The following BTBD1 variants were observed in gnomAD, a reference collection of about 807,000 sequenced individuals.
BTBD1 encodes the protein BTB domain containing 1.
BTBD1 carries 34 observed loss-of-function variants against 48.0 expected under a neutral mutation model. The ratio of observed to expected loss-of-function variants is 0.71; its 90% CI spans 0.54 to 0.94. BTBD1 has a LOEUF of 0.94. BTBD1 is among the 40% of genes least tolerant of loss of function. The pLI, the probability that BTBD1 is intolerant of heterozygous loss-of-function variation, is 0.00. For missense variants in BTBD1, 543 were observed against 625.6 expected, an observed-to-expected ratio of 0.87 and a Z score of 1.41; for synonymous variants, 261 against 242.1, an observed-to-expected ratio of 1.08 and a Z score of -0.72.
rs967550327 is a variant in BTBD1 at position 83,018,200 on chromosome 15, T to C, written c.1316A>G (p.Lys439Arg). Residue 439 changes from lysine to arginine, a missense_variant, in exon 8 of 8, where the codon AAA becomes AGA. By Grantham distance (26) the Lys-to-Arg change is conservative. Around this residue, in one of 3 missense-constraint regions of BTBD1, gnomAD observed 300 missense variants for 350.0 expected, o/e 0.86. Transcript: ENST00000261721. ...CTCATGCACTACTTTCTTCAATCCT[T>C]TTGTGCCATAGTGGGAATCTGGACC... ...LKGPDSHYGT[K>R]GLKKVVHETP... is the part of the protein sequence containing the mutation. 2 of 1,602,470 alleles carry C rather than the reference T, an allele frequency of 1.2e-6. No homozygotes were observed. The highest frequency in any genetic ancestry group is 2.7e-5 in the African/African-American group (2 of 74,640).
At chr15:83,046,898 C>T (rs1034421848) in intron 3 of BTBD1, among the ~76,000 whole-genome samples, 4 of 152,014 alleles carry the variant, frequency 2.6e-5, no homozygotes, top group African/African-American at 9.7e-5. Context: ...GTATCATGGA[C>T]GAGGGTGGGG....
chr15:83,047,863 C>A (rs1295259666), intron 3 of BTBD1, among the ~76,000 whole-genome samples: 15 of 152,290 alleles, frequency 9.8e-5, no homozygotes, highest in Non-Finnish European at 7.3e-5. Flanking sequence ...TTACTGTGAG[C>A]TTTTATAAGG....
chr15:83,020,674 C>T lies in BTBD1; in HGVS notation c.1143+1G>A, dbSNP rs1283914822. 2 of 1,567,476 alleles carry T rather than the reference C, an allele frequency of 1.3e-6. No homozygotes were observed. The highest frequency in any genetic ancestry group is 1.8e-6 in the Non-Finnish European group (2 of 1,140,660). On this transcript the variant is annotated splice_donor_variant, in intron 6 of 7. Transcript: ENST00000261721. LOFTEE classifies it high-confidence loss of function. ...ATATATGGTGGGGGAGGAAACTGTA[C>T]CTGTATATTCACTTGATAATCTGTA...
chr15:83,049,334 T>C (rs188910153), intron 3 of BTBD1, among the ~76,000 whole-genome samples: 1 of 152,292 alleles, frequency 6.6e-6, no homozygotes, highest in Non-Finnish European at 1.5e-5. Context: ...CAGGAGAACA[T>C]GTAAACCCTA....
intron 4 of BTBD1, among the ~76,000 whole-genome samples, chr15:83,032,969 CAAAAAAAAAAA>C (rs56152195): frequency 1.1e-5 from 1 of 87,008 alleles, no homozygotes; most frequent in African/African-American, 5.0e-5. Context: ...TACTCTGTCT[CAAAAAAAAAAA>C]AAAAAAAACA....
At chr15:83,060,619 C>T (rs530439354) in intron 1 of BTBD1, among the ~76,000 whole-genome samples, 58 of 152,036 alleles carry the variant, frequency 3.8e-4, no homozygotes, top group African/African-American at 1.3e-3. Flanking sequence ...TATGGTAAAA[C>T]CCCATCTCTA....
At chr15:83,055,382 C>T (rs2033065970) in intron 2 of BTBD1, among the ~76,000 whole-genome samples, 1 of 150,888 alleles carries the variant, frequency 6.6e-6, no homozygotes, top group South Asian at 2.1e-4. Flanking sequence ...CTCAGCCTCC[C>T]AAGTAGCCAG....
chr15:83,017,770 T>C lies in BTBD1; in HGVS notation c.*297A>G, dbSNP rs981685007. ...CAAGAATCTTTCAATTCCCAAACTA[T>C]TGAAAGACCCTAAGTCAGCCAATCT... is the stretch of plus-strand genomic sequence containing the variant. On this transcript the variant is annotated 3_prime_UTR_variant, in exon 8 of 8. Transcript: ENST00000261721. 1.1e-5 allele frequency: 2 copies of C among 175,410 alleles called. No homozygotes were observed. Among genetic ancestry groups the C allele is most frequent in the Non-Finnish European group, 2.4e-5 (2 of 83,906 alleles). The allele number at this position is 175,410 out of a possible 1,614,324, so 10.9% of individuals were successfully genotyped here.
At chr15:83,023,253 T>A (rs963912945) in intron 5 of BTBD1, among the ~76,000 whole-genome samples, 33 of 152,194 alleles carry the variant, frequency 2.2e-4, no homozygotes, top group Non-Finnish European at 5.9e-5. Flanking sequence ...TTTGCAGTTT[T>A]TGTTATTATA....
chr15:83,040,361 A>G (rs1423834483), intron 4 of BTBD1, among the ~76,000 whole-genome samples: 2 of 152,138 alleles, frequency 1.3e-5, no homozygotes, highest in Admixed American at 6.5e-5. Flanking sequence ...CATGAAACAA[A>G]TCTGCACGTT....
rs1365382857 is a variant in BTBD1 at position 83,041,846 on chromosome 15, T to G, written c.744A>C (p.Ala248=). The part of the protein sequence containing the change: ...SRLFGAVVRW[A]EAECQRQQLP... ...ATTGTTGTCTCTGACATTCTGCTTC[T>G]GCCCAGCGTACAACAGCTCCAAAAA... The change falls in exon 4 of 8, where the codon GCA becomes GCC. Residue 248 remains alanine (A), a synonymous_variant. Coordinates refer to ENST00000261721, the MANE Select transcript of BTBD1 (RefSeq NM_025238.4). 1 of 1,614,236 alleles carries G rather than the reference T, an allele frequency of 6.2e-7. No homozygotes were observed.
At chr15:83,030,494 A>C in intron 4 of BTBD1, 166 bp from the exon 5 acceptor site, 1 of 607,440 alleles carries the variant, frequency 1.6e-6, no homozygotes, top group East Asian at 2.8e-5. Flanking sequence ...CAATAAATCC[A>C]TTTGAGGTTA....
At chr15:83,054,882 A>G (rs1339631400) in intron 2 of BTBD1, among the ~76,000 whole-genome samples, 3 of 152,028 alleles carry the variant, frequency 2.0e-5, no homozygotes, top group South Asian at 2.1e-4. Context: ...TTTCTAAATG[A>G]TAGAATGAAC....
intron 5 of BTBD1, among the ~76,000 whole-genome samples, chr15:83,026,175 A>G (rs561104958): frequency 3.3e-5 from 5 of 152,356 alleles, no homozygotes; most frequent in African/African-American, 1.2e-4. Flanking sequence ...GATGACATAC[A>G]GGAACACCAA....
At chr15:83,060,625 C>T (rs1248506544) in intron 1 of BTBD1, among the ~76,000 whole-genome samples, 1 of 151,948 alleles carries the variant, frequency 6.6e-6, no homozygotes, top group Non-Finnish European at 1.5e-5. Context: ...AAAACCCCAT[C>T]TCTACTAAAA....
chr15:83,019,870 C>T (rs1183880903), intron 6 of BTBD1, among the ~76,000 whole-genome samples: 6 of 148,760 alleles, frequency 4.0e-5, no homozygotes, highest in Non-Finnish European at 5.9e-5. Context: ...GCTAGGAGGC[C>T]GAGGCAGGAG....
intron 4 of BTBD1, among the ~76,000 whole-genome samples, chr15:83,040,031 C>G (rs1272064309): frequency 6.7e-6 from 1 of 149,962 alleles, no homozygotes. Context: ...ACACACACAC[C>G]ACAGAATACT....
At chr15:83,022,831 G>A (rs970046512) in intron 5 of BTBD1, among the ~76,000 whole-genome samples, 1 of 151,680 alleles carries the variant, frequency 6.6e-6, no homozygotes, top group Admixed American at 6.6e-5. Context: ...GTGTGGTGGT[G>A]TGCACCGTAG....
chr15:83,044,244 T>C, intron 3 of BTBD1: 1 of 618,632 alleles, frequency 1.6e-6, no homozygotes, highest in South Asian at 1.9e-5. Flanking sequence ...TATTGTTTAA[T>C]ATAGGCAGGT....
Sources: allele counts gnomAD v4.1 joint callset (sites outside exome capture counted in the v4.1 genomes callset), GRCh38; gene constraint gnomAD v4.1.1; regional missense constraint gnomAD v4.1.1; transcripts MANE v1.5; gene names NCBI Gene and HGNC (gene_info 2026-07-23, HGNC 2026-07-21).